KCNIP1: variants seen among roughly 807,000 people sequenced by gnomAD.
KCNIP1 encodes A-type potassium channel modulatory protein KCNIP1.
Under a neutral mutation model 33.0 loss-of-function variants are expected in KCNIP1, and 18 were observed. That is an observed-to-expected ratio of 0.55 (90% CI 0.38 to 0.81). The LOEUF is 0.81. KCNIP1 is among the 30% of genes least tolerant of loss of function. The pLI is 0.00. For synonymous variants in KCNIP1, 93 were observed against 98.3 expected (o/e 0.95, Z 0.32); for missense variants, 238 against 271.6 (o/e 0.88, Z 0.87).
intron 1 of KCNIP1, among the ~76,000 whole-genome samples, chr5:170,588,317 A>G (rs2113540675): frequency 6.6e-6 from 1 of 152,272 alleles, no homozygotes; most frequent in Admixed American, 6.5e-5. Flanking sequence ...GGAAGTGGAA[A>G]TCCATGGAAA....
intron 1 of KCNIP1, among the ~76,000 whole-genome samples, chr5:170,424,381 C>G (rs902227876): frequency 6.6e-6 from 1 of 152,178 alleles, no homozygotes; most frequent in Non-Finnish European, 1.5e-5. Context: ...TGAGCTGCCC[C>G]CAGAGTAGGG....
intron 1 of KCNIP1, among the ~76,000 whole-genome samples, chr5:170,447,406 C>T (rs1473017041): frequency 6.6e-6 from 1 of 152,212 alleles, no homozygotes; most frequent in African/African-American, 2.4e-5. Context: ...TCCATTCCAG[C>T]CTCTCTTGCA....
chr5:170,536,023 C>T (rs890119835), intron 1 of KCNIP1, among the ~76,000 whole-genome samples: 17 of 152,208 alleles, frequency 1.1e-4, no homozygotes, highest in African/African-American at 4.1e-4. Context: ...TAGCTCATAA[C>T]CCTTTCTCCG....
At chr5:170,466,090 C>T (rs1247715759) in intron 1 of KCNIP1, among the ~76,000 whole-genome samples, 1 of 152,052 alleles carries the variant, frequency 6.6e-6, no homozygotes, top group Non-Finnish European at 1.5e-5. Context: ...GCTAGGGAGG[C>T]TCAAATTGAG....
At chr5:170,379,188 C>A (rs547963461) in intron 1 of KCNIP1, among the ~76,000 whole-genome samples, 1 of 151,422 alleles carries the variant, frequency 6.6e-6, no homozygotes, top group Non-Finnish European at 1.5e-5. Flanking sequence ...TGGAGCTGCT[C>A]GGGGTACAGG....
Position 170,526,982 on chromosome 5 carries a change from C to T in KCNIP1, c.61+22349C>T, listed in dbSNP as rs57214029. Among the ~76,000 whole-genome samples, 906 of 152,286 alleles carry T rather than the reference C, an allele frequency of 5.9e-3. 9 individuals are homozygous for T. Among genetic ancestry groups the T allele is most frequent in the African/African-American group, 0.021 (852 of 41,554 alleles). ...AGGTGATCTGCCCACTTCTGCCTCC[C>T]AAAGTTCTGGGATTACAGGTGTGAG... On this transcript the variant is annotated intron_variant, in intron 1 of 7. Coordinates refer to ENST00000328939, the MANE Select transcript of KCNIP1 (RefSeq NM_014592.4).
intron 1 of KCNIP1, among the ~76,000 whole-genome samples, chr5:170,695,150 T>C (rs1454301333): frequency 6.6e-6 from 1 of 152,084 alleles, no homozygotes; most frequent in Non-Finnish European, 1.5e-5. Flanking sequence ...CCCGATCCCC[T>C]TCTCTAACAC....
At chr5:170,404,072 G>A (rs1754973881) in intron 1 of KCNIP1, among the ~76,000 whole-genome samples, 1 of 152,146 alleles carries the variant, frequency 6.6e-6, no homozygotes, top group Non-Finnish European at 1.5e-5. Flanking sequence ...ATCTCTTGTG[G>A]GCAGGAGGCA....
intron 1 of KCNIP1, among the ~76,000 whole-genome samples, chr5:170,423,256 C>G (rs1273121359): frequency 1.3e-5 from 2 of 150,466 alleles, no homozygotes; most frequent in African/African-American, 4.9e-5. Flanking sequence ...TCTTTTGACT[C>G]TAATACCCAG....
intron 1 of KCNIP1, among the ~76,000 whole-genome samples, chr5:170,367,032 C>T (rs967042547): frequency 2.0e-5 from 3 of 152,110 alleles, no homozygotes; most frequent in Non-Finnish European, 4.4e-5. Flanking sequence ...TATTTAAGAA[C>T]GTGCAGTCTG....
intron 1 of KCNIP1, among the ~76,000 whole-genome samples, chr5:170,666,150 A>G (rs562019120): frequency 2.6e-5 from 4 of 152,200 alleles, no homozygotes; most frequent in African/African-American, 2.4e-5. Flanking sequence ...ATTATTCTGC[A>G]TAAGAGATTT....
chr5:170,407,111 G>T (rs1228569299), intron 1 of KCNIP1, among the ~76,000 whole-genome samples: 3 of 152,346 alleles, frequency 2.0e-5, no homozygotes, highest in East Asian at 3.9e-4. Flanking sequence ...ACAGCCTAGG[G>T]TCTGTGGTGC....
At position 170,573,839 on chromosome 5, in the gene KCNIP1, A is replaced by T. The variant is rs181632589; in HGVS notation, c.61+69206A>T. ...CCATAGAGCCATAAATATTTACTAT[A>T]TGGGCCAAGACAGAAAGTTGGACAA... On this transcript the variant is annotated intron_variant, in intron 1 of 7. Transcript: ENST00000328939. Among the ~76,000 whole-genome samples the T allele has an allele frequency of 4.6e-5, 7 of 152,360 alleles. No individual in the cohort carries two copies. In the East Asian group the frequency reaches 1.4e-3, roughly 29 times the overall value.
intron 1 of KCNIP1, among the ~76,000 whole-genome samples, chr5:170,612,963 C>T (rs369204818): frequency 5.3e-5 from 8 of 152,298 alleles, no homozygotes; most frequent in African/African-American, 1.4e-4. Flanking sequence ...GGTTCCTCTG[C>T]GCCCCAGGGC....
intron 1 of KCNIP1, among the ~76,000 whole-genome samples, chr5:170,384,489 C>T (rs77882916): frequency 0.012 from 1,768 of 152,292 alleles, 30 homozygotes; most frequent in African/African-American, 0.04. Flanking sequence ...ATCGCTTCAG[C>T]GTTGTGAAGA....
chr5:170,493,114 G>A (rs1015883264), intron 1 of KCNIP1, among the ~76,000 whole-genome samples: 1 of 152,280 alleles, frequency 6.6e-6, no homozygotes, highest in African/African-American at 2.4e-5. Flanking sequence ...AAATCCCTTA[G>A]CCCTCCACCA....
chr5:170,677,759 T>C (rs906377247), intron 1 of KCNIP1, among the ~76,000 whole-genome samples: 1 of 151,928 alleles, frequency 6.6e-6, no homozygotes, highest in Admixed American at 6.6e-5. Flanking sequence ...ACACACATCA[T>C]CCTCACCTAG....
intron 1 of KCNIP1, among the ~76,000 whole-genome samples, chr5:170,598,904 C>CGTGTGTGTGTGTGTGTGTGTGTGT (rs70979192): frequency 3.7e-5 from 5 of 133,776 alleles, no homozygotes; most frequent in African/African-American, 8.7e-5. Flanking sequence ...TGTGTGTGCG[C>CGTGTGTGTGTGTGTGTGTGTGTGT]GTGTGTGTGT....
At chr5:170,641,062 C>T (rs1195713770) in intron 1 of KCNIP1, among the ~76,000 whole-genome samples, 1 of 152,066 alleles carries the variant, frequency 6.6e-6, no homozygotes, top group Admixed American at 6.5e-5. Context: ...TGTTCCCTTC[C>T]CCAAGGAAAA....
Sources: allele counts gnomAD v4.1 joint callset (sites outside exome capture counted in the v4.1 genomes callset), GRCh38; gene constraint gnomAD v4.1.1; transcripts MANE v1.5; gene names NCBI Gene and HGNC (gene_info 2026-07-23, HGNC 2026-07-21).